PCDH7: variants seen among roughly 807,000 people sequenced by gnomAD.
The protein encoded by PCDH7 is protocadherin 7, also known as protocadherin-7.
PCDH7 carries 17 observed loss-of-function variants against 58.9 expected under a neutral mutation model. The ratio of observed to expected loss-of-function variants is 0.29; its 90% CI spans 0.20 to 0.43. The LOEUF is 0.43. Among genes scored for constraint, PCDH7 ranks in the 20% least tolerant of loss-of-function variants. PCDH7 has a pLI of 1.00. For missense variants in PCDH7, 1,274 were observed against 1,441.0 expected (o/e 0.88, Z 1.88); for synonymous variants, 664 against 616.4 (o/e 1.08, Z -1.14).
intron 3 of PCDH7, among the ~76,000 whole-genome samples, chr4:31,032,491 C>A (rs1416965717): frequency 6.6e-6 from 1 of 151,502 alleles, no homozygotes; most frequent in Non-Finnish European, 1.5e-5. Flanking sequence ...GACTGTAATC[C>A]CAGCTATCCA....
At chr4:31,078,021 A>G (rs528815657) in intron 3 of PCDH7, among the ~76,000 whole-genome samples, 15 of 152,286 alleles carry the variant, frequency 9.8e-5, no homozygotes, top group African/African-American at 3.6e-4. Context: ...CCATGTGGAG[A>G]AAAAAGCTGG....
At chr4:30,891,413 C>A (rs1013660668) in intron 1 of PCDH7, among the ~76,000 whole-genome samples, 3 of 151,888 alleles carry the variant, frequency 2.0e-5, no homozygotes, top group Admixed American at 2.0e-4. Flanking sequence ...AAATATTAAG[C>A]CTGAGTTTTA....
At chr4:31,067,323 G>A (rs546193348) in intron 3 of PCDH7, among the ~76,000 whole-genome samples, 6 of 148,126 alleles carry the variant, frequency 4.1e-5, no homozygotes, top group Non-Finnish European at 4.4e-5. Context: ...ATTTCAGTTC[G>A]GAATGGATAT....
At chr4:30,728,625 G>T (rs916794227) in intron 1 of PCDH7, among the ~76,000 whole-genome samples, 2 of 151,588 alleles carry the variant, frequency 1.3e-5, no homozygotes, top group African/African-American at 4.8e-5. Flanking sequence ...GATTTGATCC[G>T]CAATGAATTT....
intron 3 of PCDH7, among the ~76,000 whole-genome samples, chr4:31,056,514 A>AAAGAAAGAAAGAAAGAAAGG (rs1560608904): frequency 3.9e-5 from 4 of 102,506 alleles, no homozygotes; most frequent in Non-Finnish European, 8.1e-5. Flanking sequence ...AGAAAGAAAG[A>AAAGAAAGAAAGAAAGAAAGG]AAGGGGAAGG....
At chr4:30,729,101 T>G (rs557532981) in intron 1 of PCDH7, among the ~76,000 whole-genome samples, 2 of 151,906 alleles carry the variant, frequency 1.3e-5, no homozygotes, top group African/African-American at 4.8e-5. Flanking sequence ...AAGAGGAGAC[T>G]GAGGCCCAGC....
chr4:30,992,405 A>G (rs191182537), intron 3 of PCDH7, among the ~76,000 whole-genome samples: 2 of 152,346 alleles, frequency 1.3e-5, no homozygotes, highest in East Asian at 1.9e-4. Flanking sequence ...GTGCCTCAGT[A>G]TAACAACAAC....
chr4:31,095,117 AT>A (rs145860399), intron 3 of PCDH7, among the ~76,000 whole-genome samples: 29,368 of 148,248 alleles, frequency 0.2, 3,085 homozygotes, highest in East Asian at 0.47. Flanking sequence ...CAGACAGGGT[AT>A]TTTTTTTTTT....
At position 31,074,784 on chromosome 4, in the gene PCDH7, C is replaced by CAAAAAAAAAA. The variant is rs1157267696; in HGVS notation, c.*8-67675_*8-67666dup. ...TGGGCTACAGAGGGAGATTCCGTCT[C>CAAAAAAAAAA]AAAAAAAAAAAAAAAAAAAAAAAGC... On this transcript the variant is annotated intron_variant, in intron 3 of 3. Coordinates refer to the PCDH7 transcript ENST00000509759. 4.4e-3 allele frequency among the ~76,000 whole-genome samples: 233 copies of CAAAAAAAAAA among 52,464 alleles called. 21 individuals carry two copies. The highest frequency in any genetic ancestry group is 0.014 in the African/African-American group (157 of 11,340). The allele number at this position is 52,464 out of a possible 152,430, so 34.4% of individuals were successfully genotyped here. A position where few individuals can be genotyped will look rare whatever the true frequency, so the allele number is the denominator to read the frequency against.
At chr4:30,948,056 C>T (rs1746922111) in intron 2 of PCDH7, among the ~76,000 whole-genome samples, 1 of 148,628 alleles carries the variant, frequency 6.7e-6, no homozygotes, top group Non-Finnish European at 1.5e-5. Flanking sequence ...ATAAACTCTG[C>T]TATTTATGAA....
intron 3 of PCDH7, among the ~76,000 whole-genome samples, chr4:30,979,967 G>A (rs1460460054): frequency 6.6e-6 from 1 of 151,970 alleles, no homozygotes; most frequent in African/African-American, 2.4e-5. Context: ...CACTATGGTG[G>A]GACATAGCAA....
At chr4:31,096,931 T>TGA (rs1714078136) in intron 3 of PCDH7, among the ~76,000 whole-genome samples, 1 of 143,698 alleles carries the variant, frequency 7.0e-6, no homozygotes, top group African/African-American at 2.6e-5. Context: ...GTGTGTGTTG[T>TGA]GAATAAGATT....
At chr4:31,024,772 C>T (rs141636960) in intron 3 of PCDH7, among the ~76,000 whole-genome samples, 9,735 of 152,148 alleles carry the variant, frequency 0.064, 403 homozygotes, top group Non-Finnish European at 0.092. Context: ...GACAGAGTCT[C>T]ACTCTGTTGC....
intron 1 of PCDH7, among the ~76,000 whole-genome samples, chr4:30,784,033 T>C (rs1027996706): frequency 1.3e-5 from 2 of 152,156 alleles, no homozygotes; most frequent in East Asian, 1.9e-4. Context: ...ACAAAGGCCA[T>C]GTCTATACAA....
intron 3 of PCDH7, among the ~76,000 whole-genome samples, chr4:31,059,122 A>G (rs1757483011): frequency 6.6e-6 from 1 of 151,912 alleles, no homozygotes; most frequent in Non-Finnish European, 1.5e-5. Context: ...ACTTCATACC[A>G]TTATGTCTTA....
chr4:30,781,929 TTG>T (rs1380991854), intron 1 of PCDH7, among the ~76,000 whole-genome samples: 1 of 152,136 alleles, frequency 6.6e-6, no homozygotes, highest in East Asian at 1.9e-4. Flanking sequence ...CTAATGGCCT[TTG>T]TGTGTGTGTA....
chr4:30,880,670 A>C (rs1736850177), intron 1 of PCDH7, among the ~76,000 whole-genome samples: 1 of 152,130 alleles, frequency 6.6e-6, no homozygotes, highest in Non-Finnish European at 1.5e-5. Context: ...TTATTTCTTT[A>C]AGCTCCATCA....
intron 1 of PCDH7, among the ~76,000 whole-genome samples, chr4:30,843,724 T>C (rs1204727220): frequency 6.6e-6 from 1 of 152,126 alleles, no homozygotes; most frequent in Non-Finnish European, 1.5e-5. Flanking sequence ...ACATTTGGGC[T>C]GAGATTGCAA....
At chr4:30,940,268 T>C (rs1475552165) in intron 2 of PCDH7, among the ~76,000 whole-genome samples, 1 of 151,988 alleles carries the variant, frequency 6.6e-6, no homozygotes. Flanking sequence ...AAAAAAATTA[T>C]CACACTTTCT....
Sources: allele counts gnomAD v4.1 joint callset (sites outside exome capture counted in the v4.1 genomes callset), GRCh38; gene constraint gnomAD v4.1.1; transcripts MANE v1.5; gene names NCBI Gene and HGNC (gene_info 2026-07-23, HGNC 2026-07-21).